Variants in SNAPC1 observed in about 807,000 individuals in gnomAD.
SNAPC1 encodes the protein small nuclear RNA activating complex polypeptide 1.
SNAPC1 carries 42 observed loss-of-function variants against 50.1 expected under a neutral mutation model. That is an observed-to-expected ratio of 0.84 (90% confidence interval 0.65 to 1.08). The LOEUF is 1.08. SNAPC1 is among the 50% of genes least tolerant of loss of function. The pLI is 0.00. For missense variants in SNAPC1, 477 were observed against 427.3 expected (o/e 1.12, Z -1.02); for synonymous variants, 164 against 144.2 (o/e 1.14, Z -0.98).
In SNAPC1 at chr14:61,767,036, G is replaced by C. The variant is rs1369461229; in HGVS notation, c.288+1G>C. 6.6e-7 allele frequency: 1 copy of C among 1,526,210 alleles called. No homozygotes were observed. The highest frequency in any genetic ancestry group is 1.4e-5 in the African/African-American group (1 of 72,706). 94.5% of individuals were successfully genotyped at this position (1,526,210 alleles called of 1,614,324 possible). Reference sequence around the variant, plus strand: ...CCAACTGTGTCAACCAAAACAAAAGGTAATACTTAGTGAGTTATTTTTCCT... The same window carrying C: ...CCAACTGTGTCAACCAAAACAAAAGCTAATACTTAGTGAGTTATTTTTCCT... On this transcript the variant is annotated splice_donor_variant, in intron 2 of 9. Coordinates refer to ENST00000216294, the MANE Select transcript of SNAPC1 (RefSeq NM_003082.4). LOFTEE classifies it high-confidence loss of function.
intron 5 of SNAPC1, among the ~76,000 whole-genome samples, chr14:61,776,660 T>C (rs933774246): frequency 2.0e-5 from 3 of 152,188 alleles, no homozygotes; most frequent in Admixed American, 2.0e-4. Context: ...ATTTGTGAAC[T>C]TCACCTAAAA....
At chr14:61,785,273 A>G (rs936048753) in intron 8 of SNAPC1, among the ~76,000 whole-genome samples, 1 of 152,160 alleles carries the variant, frequency 6.6e-6, no homozygotes, top group Admixed American at 6.5e-5. Context: ...TTGGTGGCAC[A>G]TGCATGTAAT....
intron 8 of SNAPC1, among the ~76,000 whole-genome samples, chr14:61,790,650 T>A (rs1359885466): frequency 2.6e-5 from 4 of 152,156 alleles, no homozygotes; most frequent in Non-Finnish European, 5.9e-5. Context: ...TAACACTTTT[T>A]ATCTGACCAA....
At chr14:61,781,094 C>T (rs888303191) in intron 7 of SNAPC1, among the ~76,000 whole-genome samples, 3 of 152,018 alleles carry the variant, frequency 2.0e-5, no homozygotes, top group East Asian at 1.9e-4. Context: ...TTTTGGTATA[C>T]GAAGGAAGTC....
At chr14:61,769,117 T>C (rs2044969475) in intron 4 of SNAPC1, among the ~76,000 whole-genome samples, 2 of 152,082 alleles carry the variant, frequency 1.3e-5, no homozygotes, top group Non-Finnish European at 2.9e-5. Flanking sequence ...CTCAGCACTT[T>C]GGGAGGCCGA....
At chr14:61,771,387 G>A (rs1230184648) in intron 4 of SNAPC1, among the ~76,000 whole-genome samples, 4 of 152,202 alleles carry the variant, frequency 2.6e-5, no homozygotes, top group Non-Finnish European at 5.9e-5. Context: ...TGTGGTGCCT[G>A]TTTGTTGGAC....
intron 4 of SNAPC1, among the ~76,000 whole-genome samples, chr14:61,775,755 T>C (rs1161644665): frequency 2.0e-5 from 3 of 152,226 alleles, no homozygotes; most frequent in Non-Finnish European, 4.4e-5. Flanking sequence ...AGTAGTGATA[T>C]TTAATGATAT....
chr14:61,785,410 C>CA (rs963783147), intron 8 of SNAPC1, among the ~76,000 whole-genome samples: 12 of 144,898 alleles, frequency 8.3e-5, no homozygotes, highest in East Asian at 2.0e-4. Context: ...AATTCTGTCT[C>CA]AAAAAAAAAA....
rs1184022586 is a variant in SNAPC1 at position 61,773,577 on chromosome 14, T to A, written c.535-2518T>A. 2.0e-5 allele frequency among the ~76,000 whole-genome samples: 3 copies of A among 151,150 alleles called. No individual in the cohort carries two copies. In the East Asian group the frequency reaches 5.8e-4, roughly 29 times the overall value. On this transcript the variant is annotated intron_variant, in intron 4 of 9. Coordinates refer to ENST00000216294, the MANE Select transcript of SNAPC1 (RefSeq NM_003082.4). ...GCCCAGCTAATTTTTTGTATTTTTT[T>A]AGTAGAGACAAGGTTTCACCGTGTT...
At chr14:61,793,028 C>G in intron 9 of SNAPC1, 126 bp downstream of exon 9, 1 of 522,798 alleles carries the variant, frequency 1.9e-6, no homozygotes, top group Non-Finnish European at 3.5e-6. Flanking sequence ...ATCTTTGACC[C>G]ATTGGAGAAT....
intron 4 of SNAPC1, among the ~76,000 whole-genome samples, chr14:61,774,370 A>C (rs2045018176): frequency 6.6e-6 from 1 of 152,114 alleles, no homozygotes. Flanking sequence ...TTTAATACTT[A>C]ACAATGGTGG....
In SNAPC1 at chr14:61,762,428, G is replaced by A; in HGVS notation, c.-33G>A. 1 of 1,605,194 alleles carries A rather than the reference G, an allele frequency of 6.2e-7. No homozygotes were observed. The highest frequency in any genetic ancestry group is 8.5e-7 in the Non-Finnish European group (1 of 1,177,502). On this transcript the variant is annotated 5_prime_UTR_variant, in exon 1 of 10. Coordinates refer to ENST00000216294, the MANE Select transcript of SNAPC1 (RefSeq NM_003082.4). Reference sequence around the variant, plus strand: ...CCGCTGGCTAGTCCGTTAGAGGCGTGCGGGCTTCGGAGGCGTGCGGGCTTC... The same window carrying A: ...CCGCTGGCTAGTCCGTTAGAGGCGTACGGGCTTCGGAGGCGTGCGGGCTTC...
chr14:61,765,756 CATTG>C (rs1055224754), intron 1 of SNAPC1, among the ~76,000 whole-genome samples: 3 of 152,044 alleles, frequency 2.0e-5, no homozygotes, highest in Admixed American at 6.5e-5. Context: ...TATGTTATTT[CATTG>C]ATTGATTGCC....
Position 61,766,905 on chromosome 14 carries a change from T to C in SNAPC1, c.158T>C (p.Met53Thr). ...CGRMRNLEKNMFTKEALALAW... is the reference protein window; with the variant it reads ...CGRMRNLEKNTFTKEALALAW... The stretch of plus-strand genomic sequence containing the variant: ...AGAATGAGAAATTTAGAAAAGAACA[T>C]GTTTACAAAAGAAGCTTTAGCTTTG... The change falls in exon 2 of 10, where the codon ATG becomes ACG. Residue 53 changes from methionine to threonine, a missense_variant. Coordinates refer to ENST00000216294, the MANE Select transcript of SNAPC1 (RefSeq NM_003082.4). The C allele has an allele frequency of 6.2e-7, 1 of 1,610,142 alleles. No homozygotes were observed. Among genetic ancestry groups the C allele is most frequent in the Admixed American group, 1.7e-5 (1 of 59,928 alleles).
chr14:61,786,103 A>G (rs1011111051), intron 8 of SNAPC1, among the ~76,000 whole-genome samples: 2 of 152,248 alleles, frequency 1.3e-5, no homozygotes, highest in African/African-American at 4.8e-5. Context: ...ATTGCAAGAA[A>G]GAACTAAAGA....
In SNAPC1 at chr14:61,768,194, G is replaced by A. The variant is rs180809853; in HGVS notation, c.430-442G>A. Among the ~76,000 whole-genome samples the A allele has an allele frequency of 9.2e-4, 140 of 152,276 alleles. 1 individual carries two copies. The highest frequency in any genetic ancestry group is 1.3e-4 in the Non-Finnish European group (9 of 68,030). ...TGTATCTGGGTGCCACATATTAAGC[G>A]AACTGTTTTGAGAACAAATTAGATT... On this transcript the variant is annotated intron_variant, in intron 3 of 9. Coordinates refer to ENST00000216294, the MANE Select transcript of SNAPC1 (RefSeq NM_003082.4).
intron 8 of SNAPC1, among the ~76,000 whole-genome samples, chr14:61,788,796 G>A (rs2045132287): frequency 6.6e-6 from 1 of 152,104 alleles, no homozygotes; most frequent in Admixed American, 6.5e-5. Flanking sequence ...AGAATTGCTA[G>A]GAATTTATTC....
Position 61,776,225 on chromosome 14 carries a change from A to G in SNAPC1, c.665A>G (p.Glu222Gly), listed in dbSNP as rs1325745459. 1.2e-6 allele frequency: 2 copies of G among 1,612,710 alleles called. No individual in the cohort carries two copies. The highest frequency in any genetic ancestry group is 1.7e-6 in the Non-Finnish European group (2 of 1,179,516). The change falls in exon 5 of 10, where the codon GAG (glutamate) becomes GGG (glycine). Residue 222 changes from glutamate (E) to glycine (G), a missense_variant. Physicochemically the swap from Glu to Gly is moderately conservative, Grantham distance 98 (BLOSUM62 -2). Transcript: ENST00000216294. ...GACAATATTAAGAACATAGTTTTGG[A>G]GCATCAGCAGTGGCACAAAGACAGA... Reference protein sequence around the residue: ...FFDNIKNIVLEHQQWHKDRKN... With the variant: ...FFDNIKNIVLGHQQWHKDRKN...
At chr14:61,768,413 C>T (rs2044964419) in intron 3 of SNAPC1, among the ~76,000 whole-genome samples, 1 of 152,078 alleles carries the variant, frequency 6.6e-6, no homozygotes, top group Non-Finnish European at 1.5e-5. Context: ...TATGTAATTT[C>T]TGTCTTATCT....
Sources: gnomAD v4.1 joint callset for allele counts (sites outside exome capture counted in the v4.1 genomes callset) on GRCh38, gnomAD v4.1.1 for gene constraint, MANE v1.5 for transcripts, NCBI Gene and HGNC (gene_info 2026-07-23, HGNC 2026-07-21) for gene names.